The following ITPR2 variants were observed in gnomAD, a reference collection of about 807,000 sequenced individuals.
ITPR2 encodes the protein inositol 1,4,5-trisphosphate-gated calcium channel ITPR2.
Under a neutral mutation model 317.1 loss-of-function variants are expected in ITPR2, and 207 were observed. The ratio of observed to expected loss-of-function variants is 0.65; its 90% CI spans 0.58 to 0.73. The LOEUF (loss-of-function observed/expected upper bound fraction) is 0.73. Among genes scored for constraint, ITPR2 ranks in the 30% least tolerant of loss-of-function variants. The pLI, the probability that ITPR2 is intolerant of heterozygous loss-of-function variation, is 0.00. For synonymous variants in ITPR2, 1,156 were observed against 1,149.1 expected (o/e 1.01, Z -0.12); for missense variants, 2,613 against 3,284.0 (o/e 0.80, Z 4.99).
At chr12:26,738,892 A>C (rs767435009) in intron 2 of ITPR2, among the ~76,000 whole-genome samples, 2 of 152,228 alleles carry the variant, frequency 1.3e-5, no homozygotes, top group Non-Finnish European at 2.9e-5. Context: ...TCTTATCAAA[A>C]CTCAACCTGA....
Position 26,671,580 on chromosome 12 carries a change from A to G in ITPR2, c.1410-5529T>C, listed in dbSNP as rs566786328. On this transcript the variant is annotated intron_variant, in intron 13 of 56. Transcript: ENST00000381340. ...AACATGGAAAGGAACAACTGGTACC[A>G]GCCGCTGCAAAATCATGTCAAAATG... Among the ~76,000 whole-genome samples, 12 of 152,354 alleles carry G rather than the reference A, an allele frequency of 7.9e-5. No homozygotes were observed. In the East Asian group the frequency reaches 2.3e-3, roughly 29 times the overall value.
chr12:26,719,569 G>A (rs565666642), intron 5 of ITPR2, among the ~76,000 whole-genome samples: 2 of 152,148 alleles, frequency 1.3e-5, no homozygotes, highest in African/African-American at 4.8e-5. Flanking sequence ...GAATCTAAAC[G>A]CCAGGGTTCT....
At chr12:26,469,437 C>A (rs888841951) in intron 45 of ITPR2, among the ~76,000 whole-genome samples, 2 of 152,102 alleles carry the variant, frequency 1.3e-5, no homozygotes, top group African/African-American at 4.8e-5. Flanking sequence ...AAACCCCCCA[C>A]CCCCATGGTA....
chr12:26,552,119 G>A (rs2137007668), intron 36 of ITPR2, among the ~76,000 whole-genome samples: 1 of 152,268 alleles, frequency 6.6e-6, no homozygotes, highest in South Asian at 2.1e-4. Context: ...TGTGGGAAGT[G>A]GAAGAGGAAG....
At chr12:26,709,461 G>A (rs1463544598) in intron 9 of ITPR2, among the ~76,000 whole-genome samples, 1 of 152,140 alleles carries the variant, frequency 6.6e-6, no homozygotes, top group Non-Finnish European at 1.5e-5. Context: ...GGAATGATTT[G>A]CTTTCTACTT....
At chr12:26,439,090 A>G (rs1941427196) in intron 47 of ITPR2, 37 bp downstream of exon 47, 7 of 1,326,160 alleles carry the variant, frequency 5.3e-6, no homozygotes, top group Admixed American at 2.0e-5. Flanking sequence ...ATCTACCACT[A>G]TGCACAAAAC....
chr12:26,408,460 G>C (rs917700769), intron 52 of ITPR2, among the ~76,000 whole-genome samples: 13 of 152,122 alleles, frequency 8.5e-5, no homozygotes, highest in African/African-American at 2.9e-4. Flanking sequence ...ATCATGCCTG[G>C]GGAGTTGTAT....
chr12:26,558,632 C>T (rs1308800613), intron 35 of ITPR2, among the ~76,000 whole-genome samples: 2 of 152,210 alleles, frequency 1.3e-5, no homozygotes, highest in Non-Finnish European at 2.9e-5. Context: ...TTTCCACCTA[C>T]GTCCTTACTA....
intron 37 of ITPR2, among the ~76,000 whole-genome samples, chr12:26,514,750 T>C (rs1405384690): frequency 6.6e-6 from 1 of 152,062 alleles, no homozygotes; most frequent in Non-Finnish European, 1.5e-5. Context: ...TAATCTAAAT[T>C]CACACCATTT....
At chr12:26,443,052 T>G (rs1941522220) in intron 46 of ITPR2, among the ~76,000 whole-genome samples, 1 of 151,920 alleles carries the variant, frequency 6.6e-6, no homozygotes, top group African/African-American at 2.4e-5. Flanking sequence ...ATGAGGGTGG[T>G]GGAGGGGTCA....
intron 1 of ITPR2, among the ~76,000 whole-genome samples, chr12:26,793,875 G>C (rs918719757): frequency 6.6e-6 from 1 of 152,066 alleles, no homozygotes; most frequent in Non-Finnish European, 1.5e-5. Flanking sequence ...GGCCAAGAGA[G>C]CCTGCCCTAA....
chr12:26,697,680 G>A (rs1027834711), intron 9 of ITPR2, among the ~76,000 whole-genome samples: 2 of 152,014 alleles, frequency 1.3e-5, no homozygotes, highest in Admixed American at 6.6e-5. Flanking sequence ...ATGGTGGCAC[G>A]CACTTGTAAT....
In ITPR2 at chr12:26,437,311, T is replaced by A. The variant is rs16930713; in HGVS notation, c.6644-965A>T. Among the ~76,000 whole-genome samples the A allele has an allele frequency of 6.3e-3, 961 of 152,348 alleles. 12 individuals carry two copies. The highest frequency in any genetic ancestry group is 0.051 in the South Asian group (246 of 4,832). On this transcript the variant is annotated intron_variant, in intron 47 of 56. Coordinates refer to ENST00000381340, the MANE Select transcript of ITPR2 (RefSeq NM_002223.4). ...AAATGGAAATGATTAACTTTGTAGA[T>A]ATATCCTGTGAATTTCAACCTAGTG...
intron 49 of ITPR2, among the ~76,000 whole-genome samples, chr12:26,423,166 G>A (rs755752278): frequency 4.6e-5 from 7 of 152,120 alleles, no homozygotes; most frequent in Non-Finnish European, 8.8e-5. Context: ...AGCATTCAGT[G>A]ACCACATTAT....
chr12:26,823,689 TA>T (rs1950971229), intron 1 of ITPR2, among the ~76,000 whole-genome samples: 1 of 152,204 alleles, frequency 6.6e-6, no homozygotes, highest in South Asian at 2.1e-4. Context: ...AAGAACCTGA[TA>T]TTTTAACTTA....
rs374341078 is a variant in ITPR2 at position 26,656,388 on chromosome 12, T to C, written c.2353A>G (p.Met785Val). The C allele has an allele frequency of 1.2e-6, 2 of 1,614,092 alleles. No homozygotes were observed. The highest frequency in any genetic ancestry group is 8.5e-7 in the Non-Finnish European group (1 of 1,180,020). ...TCCTGGGGATCCCGGTCAACGTGCA[T>C]GTGGAGCATGAGGCGACAGAAGGAC... ...RASFCRLMLHMHVDRDPQESV... is the reference protein window; with the variant it reads ...RASFCRLMLHVHVDRDPQESV... The change falls in exon 19 of 57, where the codon ATG becomes GTG. Residue 785 changes from methionine to valine, a missense_variant. Physicochemically the swap from Met to Val is conservative, Grantham distance 21. Transcript: ENST00000381340.
chr12:26,566,848 C>A (rs1486904097), intron 34 of ITPR2, among the ~76,000 whole-genome samples: 1 of 152,198 alleles, frequency 6.6e-6, no homozygotes, highest in Non-Finnish European at 1.5e-5. Flanking sequence ...ATCTGAAGGA[C>A]AGATGGCCTC....
chr12:26,707,404 C>T (rs1369040375), intron 9 of ITPR2, among the ~76,000 whole-genome samples: 1 of 152,140 alleles, frequency 6.6e-6, no homozygotes, highest in African/African-American at 2.4e-5. Flanking sequence ...GAGCCTCTAT[C>T]GCCTAAGAAT....
At position 26,734,347 on chromosome 12, in the gene ITPR2, G is replaced by A. The variant is rs565892697; in HGVS notation, c.164-8582C>T. On this transcript the variant is annotated intron_variant, in intron 2 of 56. Coordinates refer to ENST00000381340, the MANE Select transcript of ITPR2 (RefSeq NM_002223.4). ...TAAAACACATAATGTGACAGTCCACGTTCTCTGGTTTCAAATTCCCAGATT... is the reference window on the plus strand; with the variant it reads ...TAAAACACATAATGTGACAGTCCACATTCTCTGGTTTCAAATTCCCAGATT... Among the ~76,000 whole-genome samples, 10 of 152,244 alleles carry A rather than the reference G, an allele frequency of 6.6e-5. No homozygotes were observed. The East Asian group carries it at 1.5e-3, about 23-fold the overall frequency.
Sources: allele counts gnomAD v4.1 joint callset (sites outside exome capture counted in the v4.1 genomes callset), GRCh38; gene constraint gnomAD v4.1.1; transcripts MANE v1.5; gene names NCBI Gene and HGNC (gene_info 2026-07-23, HGNC 2026-07-21).